Variants in CNTRL observed in about 807,000 individuals in gnomAD.
CNTRL encodes 110 kDa centrosomal protein.
A neutral mutation model predicts 303.7 loss-of-function variants in CNTRL; 233 were observed. The ratio of observed to expected loss-of-function variants is 0.77; its 90% CI spans 0.69 to 0.86. The LOEUF is 0.86. Among genes scored for constraint, CNTRL ranks in the 40% least tolerant of loss-of-function variants. The probability of loss-of-function intolerance (pLI) is 0.00; values close to 1 mark genes in which losing one functional copy is unlikely to be tolerated. For missense variants in CNTRL, 2,524 were observed against 2,650.6 expected (o/e 0.95, Z 1.05); for synonymous variants, 900 against 922.2 (o/e 0.98, Z 0.44).
chr9:121,086,973 A>T (rs963716909), intron 2 of CNTRL, among the ~76,000 whole-genome samples: 1 of 152,186 alleles, frequency 6.6e-6, no homozygotes, highest in African/African-American at 2.4e-5. Context: ...TTTTAAATAG[A>T]TCACTCTGGC....
intron 8 of CNTRL, among the ~76,000 whole-genome samples, chr9:121,109,396 G>A (rs905347032): frequency 1.2e-4 from 19 of 152,172 alleles, no homozygotes; most frequent in African/African-American, 4.6e-4. Context: ...AGCATACGTG[G>A]ACAACTCTCC....
chr9:121,137,994 G>A (rs1054940341), intron 15 of CNTRL, among the ~76,000 whole-genome samples: 3 of 152,128 alleles, frequency 2.0e-5, no homozygotes, highest in African/African-American at 7.2e-5. Flanking sequence ...AAGCATAACA[G>A]ATCTCCTGTC....
intron 1 of CNTRL, among the ~76,000 whole-genome samples, chr9:121,079,537 C>T (rs1487617203): frequency 6.6e-6 from 1 of 152,108 alleles, no homozygotes; most frequent in Non-Finnish European, 1.5e-5. Flanking sequence ...TTGATTATCT[C>T]TTGTCCAAAA....
At chr9:121,092,278 GC>G (rs971433501) in intron 4 of CNTRL, among the ~76,000 whole-genome samples, 6 of 143,480 alleles carry the variant, frequency 4.2e-5, no homozygotes, top group African/African-American at 1.3e-4. Context: ...GGCAGATTTT[GC>G]CCATTGTGTT....
Position 121,141,428 on chromosome 9 carries a change from A to G in CNTRL, c.2531A>G (p.Gln844Arg). 3 of 1,614,102 alleles carry G rather than the reference A, an allele frequency of 1.9e-6. No individual in the cohort carries two copies. Among genetic ancestry groups the G allele is most frequent in the Non-Finnish European group, 2.5e-6 (3 of 1,179,976 alleles). The change falls in exon 18 of 44, where the codon CAG becomes CGG. Residue 844 changes from glutamine to arginine, a missense_variant. Gln to Arg is a conservative substitution (Grantham distance 43). Coordinates refer to ENST00000373855, the MANE Select transcript of CNTRL (RefSeq NM_007018.6). ...DVLGKSLADL[Q>R]KQFSEILARS... ...TTAGGGAAAAGTCTTGCTGATTTAC[A>G]GAAACAATTCAGTGAAATTCTTGCA... is the stretch of plus-strand genomic sequence containing the variant.
chr9:121,110,817 A>C (rs993790803), intron 8 of CNTRL, among the ~76,000 whole-genome samples: 2 of 152,114 alleles, frequency 1.3e-5, no homozygotes, highest in African/African-American at 4.8e-5. Flanking sequence ...CAAAGCTAAT[A>C]CTGTGACTAG....
intron 2 of CNTRL, among the ~76,000 whole-genome samples, chr9:121,081,697 G>A (rs2048148005): frequency 1.3e-5 from 2 of 152,352 alleles, no homozygotes; most frequent in South Asian, 4.1e-4. Context: ...GTGGAAAGGG[G>A]TATGAAGTTT....
intron 22 of CNTRL, 54 bp downstream of exon 22, chr9:121,145,439 T>C (rs1039227791): frequency 1.3e-6 from 2 of 1,521,266 alleles, no homozygotes; most frequent in East Asian, 4.7e-5. Context: ...TAAAATTAAA[T>C]CATCTCATTT....
At chr9:121,097,060 G>A (rs1418770826) in intron 6 of CNTRL, among the ~76,000 whole-genome samples, 1 of 151,866 alleles carries the variant, frequency 6.6e-6, no homozygotes, top group African/African-American at 2.4e-5. Context: ...TTGATCACTA[G>A]CTTTTCATAA....
Position 121,145,208 on chromosome 9 carries a change from C to T in CNTRL, c.3169-36C>T, listed in dbSNP as rs747728277. The T allele has an allele frequency of 6.3e-6, 10 of 1,584,296 alleles. No homozygotes were observed. In the South Asian group the frequency reaches 9.3e-5, roughly 15 times the overall value. ...AAATGTGTTTGGGAAAGAATGAATT[C>T]ATTGGCAACTTTGTATGTGTAATTT... On this transcript the variant is annotated intron_variant, in intron 21 of 43. Transcript: ENST00000373855.
chr9:121,150,637 T>A, intron 25 of CNTRL, 154 bp downstream of exon 25: 1 of 702,472 alleles, frequency 1.4e-6, no homozygotes, highest in Non-Finnish European at 2.3e-6. Flanking sequence ...ATTCTCTTAT[T>A]AAAATTCTCT....
chr9:121,092,560 A>G (rs185119460), intron 4 of CNTRL, among the ~76,000 whole-genome samples: 13 of 20,190 alleles, frequency 6.4e-4, no homozygotes, highest in East Asian at 4.8e-3. Context: ...ATCTATATAT[A>G]TAATATATAT....
At chr9:121,134,430 ACAGGCGTGTGCCACCACGCC>A (rs1259648503) in intron 14 of CNTRL, among the ~76,000 whole-genome samples, 2 of 151,934 alleles carry the variant, frequency 1.3e-5, no homozygotes, top group Admixed American at 6.6e-5. Context: ...AGCTGGGACT[ACAGGCGTGTGCCACCACGCC>A]TGGCTAATTT....
chr9:121,140,534 G>C, intron 16 of CNTRL, 107 bp from the exon 17 acceptor site: 1 of 920,036 alleles, frequency 1.1e-6, no homozygotes, highest in Non-Finnish European at 1.5e-6. Flanking sequence ...ACTTGAAAGA[G>C]GCATTGTCTG....
At chr9:121,146,389 AGCGT>A in intron 23 of CNTRL, 133 bp downstream of exon 23, 1 of 873,994 alleles carries the variant, frequency 1.1e-6, no homozygotes. Context: ...GAGGTTCTGT[AGCGT>A]TTTTAATATT....
chr9:121,160,683 C>A (rs1752998751), intron 32 of CNTRL, among the ~76,000 whole-genome samples: 2 of 152,086 alleles, frequency 1.3e-5, no homozygotes, highest in Admixed American at 1.3e-4. Flanking sequence ...TTTATAATGA[C>A]AAAATTTGGA....
In CNTRL at chr9:121,079,180, C is replaced by CT. The variant is rs376719196; in HGVS notation, c.-204-1120dup. ...TCATAATATTAAAATTACTAAAAGA[C>CT]TTTTTTCCATGGCAAAATTGTGTTA... On this transcript the variant is annotated intron_variant, in intron 1 of 43. Coordinates refer to ENST00000373855, the MANE Select transcript of CNTRL (RefSeq NM_007018.6). Among the ~76,000 whole-genome samples the CT allele has an allele frequency of 4.3e-4, 65 of 152,180 alleles. 1 individual carries two copies. Among genetic ancestry groups the CT allele is most frequent in the African/African-American group, 1.5e-3 (62 of 41,508 alleles).
intron 40 of CNTRL, among the ~76,000 whole-genome samples, chr9:121,172,734 T>A (rs1354779881): frequency 1.3e-5 from 2 of 152,230 alleles, no homozygotes; most frequent in East Asian, 3.8e-4. Flanking sequence ...TCCAGATCAC[T>A]TATGACTTAT....
Position 121,113,727 on chromosome 9 carries a change from T to TA in CNTRL, c.1345+10dup, listed in dbSNP as rs781258094. The TA allele has an allele frequency of 6.7e-7, 1 of 1,501,104 alleles. No homozygotes were observed. The highest frequency in any genetic ancestry group is 8.9e-7 in the Non-Finnish European group (1 of 1,128,590). The allele number at this position is 1,501,104 out of a possible 1,614,324, so 93.0% of individuals were successfully genotyped here. A position where few individuals can be genotyped will look rare whatever the true frequency, so the allele number is the denominator to read the frequency against. On this transcript the variant is annotated splice_donor_region_variant and intron_variant, in intron 10 of 43. Transcript: ENST00000373855. ...CAAAGAAAAAAAAATAAGTGCAGGT[T>TA]AAAAAAAGTTATTTTAAATTCTTTA...
Sources: allele counts gnomAD v4.1 joint callset (sites outside exome capture counted in the v4.1 genomes callset), GRCh38; gene constraint gnomAD v4.1.1; transcripts MANE v1.5; gene names NCBI Gene and HGNC (gene_info 2026-07-23, HGNC 2026-07-21).